LIMS1: variants seen among roughly 807,000 people sequenced by gnomAD.
LIMS1 encodes the protein LIM zinc finger domain containing 1.
Under a neutral mutation model 44.1 loss-of-function variants are expected in LIMS1, and 18 were observed. The ratio of observed to expected loss-of-function variants is 0.41; its 90% CI spans 0.28 to 0.61. LIMS1 has a LOEUF of 0.61. Ranked by LOEUF, LIMS1 falls within the 20% of genes least tolerant of loss-of-function variation. The probability of loss-of-function intolerance (pLI) is 0.32; values close to 1 mark genes in which losing one functional copy is unlikely to be tolerated. For synonymous variants in LIMS1, 93 were observed against 149.1 expected, an observed-to-expected ratio of 0.62 and a Z score of 2.74; for missense variants, 201 against 422.0, an observed-to-expected ratio of 0.48 and a Z score of 4.59.
chr2:108,563,591 C>T (rs1481254064), intron 1 of LIMS1, among the ~76,000 whole-genome samples: 2 of 152,144 alleles, frequency 1.3e-5, no homozygotes, highest in Non-Finnish European at 2.9e-5. Flanking sequence ...CATGATAAAA[C>T]TTGAACAGAT....
intron 1 of LIMS1, among the ~76,000 whole-genome samples, chr2:108,558,604 A>G (rs1375195338): frequency 1.3e-5 from 2 of 152,018 alleles, no homozygotes; most frequent in African/African-American, 4.8e-5. Context: ...TATAGAGTGC[A>G]TTGGAGACAA....
At chr2:108,599,736 A>C (rs1296356843) in intron 1 of LIMS1, among the ~76,000 whole-genome samples, 2 of 152,082 alleles carry the variant, frequency 1.3e-5, no homozygotes, top group Non-Finnish European at 2.9e-5. Context: ...GGGCGAGATG[A>C]GATCTCATTG....
chr2:108,658,781 C>T lies in LIMS1; in HGVS notation c.33-824C>T, dbSNP rs544236266. Among the ~76,000 whole-genome samples the T allele has an allele frequency of 2.0e-5, 3 of 152,422 alleles. No homozygotes were observed. The South Asian group carries it at 6.2e-4, about 32-fold the overall frequency. On this transcript the variant is annotated intron_variant, in intron 1 of 9. Coordinates refer to ENST00000544547, the Ensembl canonical transcript of LIMS1. ...TACTTGACAACCTGGTGTCACTTTC[C>T]TAACCTATGAAACGTGGTGGTATCC... is the stretch of plus-strand genomic sequence containing the variant.
intron 2 of LIMS1, chr2:108,662,114 A>G: frequency 1.9e-6 from 3 of 1,597,096 alleles, no homozygotes; most frequent in South Asian, 2.2e-5. Context: ...AGAAAAAGAC[A>G]GGCTTTGTTT....
At chr2:108,637,125 G>GTA (rs1689326930) in intron 1 of LIMS1, among the ~76,000 whole-genome samples, 1 of 151,316 alleles carries the variant, frequency 6.6e-6, no homozygotes, top group Non-Finnish European at 1.5e-5. Context: ...GTGTGTGTGT[G>GTA]TGTGTGTGTG....
chr2:108,664,889 A>G (rs1005327078), intron 2 of LIMS1, among the ~76,000 whole-genome samples: 4 of 152,232 alleles, frequency 2.6e-5, no homozygotes, highest in Admixed American at 6.5e-5. Flanking sequence ...GAAGGACTCA[A>G]TTTCTGGATC....
At chr2:108,561,797 A>C (rs1352504170) in intron 1 of LIMS1, among the ~76,000 whole-genome samples, 2 of 144,200 alleles carry the variant, frequency 1.4e-5, no homozygotes, top group African/African-American at 5.2e-5. Context: ...GCTGGAGTGC[A>C]GTGGCGTGAT....
At chr2:108,610,122 G>A (rs1004305272) in intron 1 of LIMS1, among the ~76,000 whole-genome samples, 3 of 151,876 alleles carry the variant, frequency 2.0e-5, no homozygotes, top group Non-Finnish European at 4.4e-5. Context: ...CAGACTGGGC[G>A]ACAAAGTGAG....
At chr2:108,646,143 C>T (rs1291358022) in intron 1 of LIMS1, among the ~76,000 whole-genome samples, 1 of 152,110 alleles carries the variant, frequency 6.6e-6, no homozygotes, top group East Asian at 1.9e-4. Flanking sequence ...ACCAAGCGGG[C>T]CTAATAGAAC....
At position 108,559,019 on chromosome 2, in the gene LIMS1, C is replaced by T. The variant is rs1685023316; in HGVS notation, c.32+24425C>T. ...AATAACTCTTCAGAAACTGCCAAGG[C>T]GCCGGGGGCAGCTTCTGATTCCCAC... On this transcript the variant is annotated intron_variant, in intron 1 of 9. Coordinates refer to ENST00000544547, the Ensembl canonical transcript of LIMS1. 2.0e-5 allele frequency among the ~76,000 whole-genome samples: 3 copies of T among 152,260 alleles called. 1 individual carries two copies. The highest frequency in any genetic ancestry group is 4.2e-4 in the South Asian group (2 of 4,818).
chr2:108,573,293 TTTC>T (rs1241629023), intron 1 of LIMS1, among the ~76,000 whole-genome samples: 3 of 151,218 alleles, frequency 2.0e-5, no homozygotes, highest in African/African-American at 7.4e-5. Flanking sequence ...CTTCTCCCGT[TTTC>T]TTTTCTTTTC....
At chr2:108,642,876 T>G (rs1487644891) in intron 1 of LIMS1, among the ~76,000 whole-genome samples, 1 of 152,166 alleles carries the variant, frequency 6.6e-6, no homozygotes, top group Non-Finnish European at 1.5e-5. Context: ...ATCTGAAGCT[T>G]TACAGCCTTC....
At chr2:108,645,997 G>A (rs989881334) in intron 1 of LIMS1, among the ~76,000 whole-genome samples, 5 of 152,038 alleles carry the variant, frequency 3.3e-5, no homozygotes, top group African/African-American at 7.2e-5. Context: ...GATTCATAAC[G>A]CATGTTCTTA....
At chr2:108,586,331 C>T (rs1421442112) in intron 1 of LIMS1, among the ~76,000 whole-genome samples, 2 of 152,120 alleles carry the variant, frequency 1.3e-5, no homozygotes, top group African/African-American at 4.8e-5. Context: ...ACAAACTCTT[C>T]GGGGGAAAGA....
chr2:108,573,856 G>T (rs1376369110), intron 1 of LIMS1, among the ~76,000 whole-genome samples: 1 of 152,204 alleles, frequency 6.6e-6, no homozygotes, highest in Non-Finnish European at 1.5e-5. Context: ...CTTGGGCCAA[G>T]ATCAGGCTGA....
intron 1 of LIMS1, among the ~76,000 whole-genome samples, chr2:108,587,209 T>C (rs1397169162): frequency 6.6e-6 from 1 of 151,960 alleles, no homozygotes; most frequent in Non-Finnish European, 1.5e-5. Context: ...AGGTTATAGC[T>C]TGTCACCAGC....
intron 1 of LIMS1, among the ~76,000 whole-genome samples, chr2:108,573,662 C>G (rs894825190): frequency 1.1e-4 from 16 of 152,206 alleles, no homozygotes; most frequent in African/African-American, 3.6e-4. Context: ...ACAGAACTCT[C>G]TGTCTTCATG....
At chr2:108,608,630 G>A (rs1231188546) in intron 1 of LIMS1, among the ~76,000 whole-genome samples, 1 of 152,136 alleles carries the variant, frequency 6.6e-6, no homozygotes, top group Non-Finnish European at 1.5e-5. Flanking sequence ...ACATTTATTT[G>A]TGTAGATGTG....
At chr2:108,550,514 A>AT (rs1016130532) in intron 1 of LIMS1, among the ~76,000 whole-genome samples, 1 of 143,702 alleles carries the variant, frequency 7.0e-6, no homozygotes, top group Non-Finnish European at 1.5e-5. Flanking sequence ...AATAATAATA[A>AT]AAAAAAATAA....
Sources: gnomAD v4.1 joint callset for allele counts (sites outside exome capture counted in the v4.1 genomes callset) on GRCh38, gnomAD v4.1.1 for gene constraint, MANE v1.5 for transcripts, NCBI Gene and HGNC (gene_info 2026-07-23, HGNC 2026-07-21) for gene names.